The following ESR1 variants were observed in gnomAD, a reference collection of about 807,000 sequenced individuals.
ESR1 encodes the protein estrogen receptor 1.
Under a neutral mutation model 52.7 loss-of-function variants are expected in ESR1, and 12 were observed. The observed-to-expected ratio is 0.23, with a 90% CI of 0.15 to 0.37. The LOEUF is 0.37. ESR1 is among the 10% of genes least tolerant of loss of function. The pLI, the probability that ESR1 is intolerant of heterozygous loss-of-function variation, is 1.00. For synonymous variants in ESR1, 305 were observed against 316.8 expected, an observed-to-expected ratio of 0.96 and a Z score of 0.39; for missense variants, 584 against 779.7, an observed-to-expected ratio of 0.75 and a Z score of 2.99.
intron 1 of ESR1, among the ~76,000 whole-genome samples, chr6:151,658,953 T>TCTA (rs1777545345): frequency 6.6e-6 from 1 of 152,202 alleles, no homozygotes; most frequent in Admixed American, 6.5e-5. Flanking sequence ...AGATGGCCAG[T>TCTA]CTAAGGCTTA....
intron 6 of ESR1, among the ~76,000 whole-genome samples, chr6:152,093,689 A>C (rs908378664): frequency 5.3e-5 from 8 of 152,106 alleles, no homozygotes; most frequent in African/African-American, 1.9e-4. Context: ...GGCCGTAAAA[A>C]ACAGCGGTTT....
In ESR1 at chr6:151,854,811, A is replaced by G. The variant is rs140093381; in HGVS notation, c.643+12024A>G. Among the ~76,000 whole-genome samples the G allele has an allele frequency of 4.0e-3, 605 of 152,372 alleles. 1 individual carries two copies. The highest frequency in any genetic ancestry group is 0.014 in the African/African-American group (591 of 41,598). On this transcript the variant is annotated intron_variant, in intron 2 of 7. Coordinates refer to ENST00000206249, the MANE Select transcript of ESR1 (RefSeq NM_000125.4). The stretch of plus-strand genomic sequence containing the variant: ...CTGTGCACAATATTTTTCCTTATAC[A>G]TCATAAAAGATAAATTATAGTTCAT...
intron 2 of ESR1, among the ~76,000 whole-genome samples, chr6:151,767,155 G>A (rs1215706938): frequency 6.6e-6 from 1 of 152,034 alleles, no homozygotes; most frequent in African/African-American, 2.4e-5. Flanking sequence ...CCCAAATTCA[G>A]TACTTGTCTC....
At chr6:151,898,924 C>T (rs1013878514) in intron 3 of ESR1, among the ~76,000 whole-genome samples, 3 of 152,172 alleles carry the variant, frequency 2.0e-5, no homozygotes, top group African/African-American at 7.2e-5. Flanking sequence ...GCACACCTCC[C>T]AGACGGGGTG....
rs1341670200 is a variant in ESR1, at chr6:152,118,196, C to T, written c.851-7070C>T. On this transcript the variant is annotated intron_variant, in intron 6 of 6. Transcript: ENST00000427531. ...AACAGCTTTAATCTCCCTTTCCTCC[C>T]CTAAATTAGATATTGTTTCTATTAA... is the stretch of plus-strand genomic sequence containing the variant. The T allele has an allele frequency of 2.6e-5, 4 of 152,132 alleles. No homozygotes were observed. In the East Asian group the frequency reaches 7.7e-4, roughly 29 times the overall value. The allele number at this position is 152,132 out of a possible 1,614,324, so 9.4% of individuals were successfully genotyped here.
At chr6:151,838,228 CAGA>C (rs1171671530) in intron 1 of ESR1, among the ~76,000 whole-genome samples, 17 of 152,184 alleles carry the variant, frequency 1.1e-4, no homozygotes, top group Admixed American at 1.1e-3. Context: ...GCCGAAGGAG[CAGA>C]AGAAGGATGG....
chr6:152,056,598 C>A (rs1750979606), intron 5 of ESR1, among the ~76,000 whole-genome samples: 1 of 152,164 alleles, frequency 6.6e-6, no homozygotes, highest in Non-Finnish European at 1.5e-5. Flanking sequence ...AGAGGAGAAA[C>A]TTCCAGAACA....
downstream of ESR1, among the ~76,000 whole-genome samples, chr6:152,105,828 C>T (rs1227506354): frequency 2.6e-3 from 361 of 138,622 alleles, 3 homozygotes; most frequent in African/African-American, 9.0e-3. Context: ...TCGCCCAGGC[C>T]GGACTGCGGA....
intron 3 of ESR1, among the ~76,000 whole-genome samples, chr6:151,939,552 C>T (rs1032807455): frequency 6.6e-6 from 1 of 152,072 alleles, no homozygotes; most frequent in Non-Finnish European, 1.5e-5. Flanking sequence ...TTGCAGTTTT[C>T]ACTTAACCTA....
chr6:151,661,371 G>A (rs542791734), intron 1 of ESR1, among the ~76,000 whole-genome samples: 1 of 152,180 alleles, frequency 6.6e-6, no homozygotes, highest in Non-Finnish European at 1.5e-5. Flanking sequence ...GTAAAGTTTA[G>A]CCTGCATTCT....
intron 4 of ESR1, chr6:151,984,263 A>G (rs1413076408): frequency 6.6e-6 from 1 of 152,034 alleles, no homozygotes; most frequent in Non-Finnish European, 1.5e-5. Context: ...AGGTGTTTCT[A>G]TTAAGGCTAC....
chr6:152,099,704 T>C lies in ESR1; in HGVS notation c.*738T>C, dbSNP rs58342311. On this transcript the variant is annotated 3_prime_UTR_variant, in exon 8 of 8. Coordinates refer to ENST00000206249, the MANE Select transcript of ESR1 (RefSeq NM_000125.4). ...TTAATTCATGCCTCCCATGGACCTA[T>C]GGAGAGCAGCAAGTTGATCTTAGTT... The C allele has an allele frequency of 1.0e-4, 29 of 282,662 alleles. No homozygotes were observed. The East Asian group carries it at 1.4e-3, about 14-fold the overall frequency. 17.5% of individuals were successfully genotyped at this position (282,662 alleles called of 1,614,324 possible). A position where few individuals can be genotyped will look rare whatever the true frequency, so the allele number is the denominator to read the frequency against.
At position 152,094,330 on chromosome 6, in the gene ESR1, C is replaced by T; in HGVS notation, c.1370-55C>T. The T allele has an allele frequency of 6.6e-7, 1 of 1,520,296 alleles. No individual in the cohort carries two copies. Among genetic ancestry groups the T allele is most frequent in the East Asian group, 2.2e-5 (1 of 44,496 alleles). The allele number at this position is 1,520,296 out of a possible 1,614,324, so 94.2% of individuals were successfully genotyped here. ...TACATCCCATGAACACTCTGGGTCT[C>T]CTAGACCTCATCCTCTTTGAGCTTC... On this transcript the variant is annotated intron_variant, in intron 6 of 7. Coordinates refer to ENST00000206249, the MANE Select transcript of ESR1 (RefSeq NM_000125.4). This position sits in a 1 kb window ranked among gnomAD's most constrained non-coding sequence, Gnocchi z 4.6.
intron 5 of ESR1, among the ~76,000 whole-genome samples, chr6:152,032,984 C>T (rs560219492): frequency 1.3e-5 from 2 of 152,214 alleles, no homozygotes; most frequent in East Asian, 3.9e-4. Context: ...AGAAATAATG[C>T]CATGTATCTA....
chr6:151,784,053 A>C (rs955975938), intron 2 of ESR1, among the ~76,000 whole-genome samples: 5 of 152,206 alleles, frequency 3.3e-5, no homozygotes, highest in African/African-American at 1.2e-4. Flanking sequence ...ATTTATGACA[A>C]CTAATGTTGA....
intron 5 of ESR1, among the ~76,000 whole-genome samples, chr6:152,022,913 G>T (rs986955557): frequency 6.6e-5 from 10 of 151,686 alleles, no homozygotes; most frequent in African/African-American, 2.4e-4. Flanking sequence ...GGAGGCAGAG[G>T]TTGCAGTGAG....
intron 1 of ESR1, chr6:151,809,085 C>A: frequency 3.1e-6 from 1 of 325,172 alleles, no homozygotes; most frequent in South Asian, 2.5e-5. Flanking sequence ...GAGTTTAAAA[C>A]AAGCCATATG....
intron 6 of ESR1, among the ~76,000 whole-genome samples, chr6:152,083,714 A>G (rs1302427992): frequency 6.6e-6 from 1 of 152,208 alleles, no homozygotes; most frequent in African/African-American, 2.4e-5. Context: ...CATCTGACAA[A>G]GGGCTAATAT....
intron 2 of ESR1, among the ~76,000 whole-genome samples, chr6:151,786,773 C>A (rs566903725): frequency 2.0e-5 from 3 of 151,750 alleles, no homozygotes; most frequent in African/African-American, 7.3e-5. Flanking sequence ...GTTATCCCAG[C>A]CTTAGTTATT....
Sources: gnomAD v4.1 joint callset for allele counts (sites outside exome capture counted in the v4.1 genomes callset) on GRCh38, gnomAD v4.1.1 for gene constraint, Gnocchi (gnomAD v3.1) non-coding constraint, MANE v1.5 for transcripts, NCBI Gene and HGNC (gene_info 2026-07-23, HGNC 2026-07-21) for gene names.